The following PAPSS2 variants were observed in gnomAD, a reference collection of about 807,000 sequenced individuals.
PAPSS2 encodes the protein bifunctional 3'-phosphoadenosine 5'-phosphosulfate synthase 2.
A neutral mutation model predicts 66.5 loss-of-function variants in PAPSS2; 61 were observed. The ratio of observed to expected loss-of-function variants is 0.92; its 90% confidence interval spans 0.75 to 1.14. The LOEUF is 1.14. PAPSS2 is among the 50% of genes most tolerant of loss of function. The pLI is 0.00. For missense variants in PAPSS2, 708 were observed against 789.6 expected (o/e 0.90, Z 1.24); for synonymous variants, 289 against 287.5 (o/e 1.01, Z -0.05).
At chr10:87,700,928 A>G (rs1234036359) in intron 1 of PAPSS2, among the ~76,000 whole-genome samples, 2 of 151,886 alleles carry the variant, frequency 1.3e-5, no homozygotes, top group African/African-American at 2.4e-5. Context: ...TAATAATTTC[A>G]TATTTTAAAA....
chr10:87,741,225 T>C lies in PAPSS2; in HGVS notation c.1087-10T>C. The C allele has an allele frequency of 6.2e-7, 1 of 1,613,590 alleles. No homozygotes were observed. Among genetic ancestry groups the C allele is most frequent in the Non-Finnish European group, 8.5e-7 (1 of 1,179,484 alleles). On this transcript the variant is annotated splice_polypyrimidine_tract_variant and intron_variant, in intron 9 of 12. Coordinates refer to ENST00000456849, the MANE Select transcript of PAPSS2 (RefSeq NM_001015880.2). ...TTAATCATTAGCAATCATAACAATG[T>C]TCTTTCTAGATGGTGATGGAAAGTG...
At chr10:87,705,019 G>A (rs1164850222) in intron 1 of PAPSS2, among the ~76,000 whole-genome samples, 2 of 152,202 alleles carry the variant, frequency 1.3e-5, no homozygotes, top group Non-Finnish European at 2.9e-5. Flanking sequence ...TACACATTTA[G>A]AATACATTCA....
At chr10:87,705,945 G>T (rs1340954219) in intron 1 of PAPSS2, among the ~76,000 whole-genome samples, 1 of 150,736 alleles carries the variant, frequency 6.6e-6, no homozygotes, top group Non-Finnish European at 1.5e-5. Context: ...TATTGGCCAG[G>T]CTACTCTTGA....
At chr10:87,730,452 A>G (rs1023771153) in intron 9 of PAPSS2, among the ~76,000 whole-genome samples, 2 of 152,124 alleles carry the variant, frequency 1.3e-5, no homozygotes, top group Non-Finnish European at 2.9e-5. Flanking sequence ...GATGAAATGA[A>G]ATTTTAGAGG....
chr10:87,738,313 G>A (rs1038590336), intron 9 of PAPSS2, among the ~76,000 whole-genome samples: 5 of 152,134 alleles, frequency 3.3e-5, no homozygotes, highest in African/African-American at 4.8e-5. Context: ...CATAGTGGTT[G>A]CACCTTTTAC....
intron 11 of PAPSS2, among the ~76,000 whole-genome samples, chr10:87,744,347 C>T (rs1342756257): frequency 6.6e-6 from 1 of 152,130 alleles, no homozygotes; most frequent in Non-Finnish European, 1.5e-5. Context: ...GTGAGCTTAT[C>T]AAACAGAGAT....
intron 7 of PAPSS2, among the ~76,000 whole-genome samples, chr10:87,721,287 T>A (rs79979527): frequency 6.6e-6 from 1 of 152,236 alleles, no homozygotes; most frequent in African/African-American, 2.4e-5. Flanking sequence ...CATATTTTCA[T>A]GTCCTCTAAC....
At chr10:87,672,122 A>G (rs1852885979) in intron 1 of PAPSS2, among the ~76,000 whole-genome samples, 1 of 152,216 alleles carries the variant, frequency 6.6e-6, no homozygotes. Context: ...CCACTAACAT[A>G]AAGAAATGAG....
intron 1 of PAPSS2, among the ~76,000 whole-genome samples, chr10:87,662,235 C>G (rs114259324): frequency 1.6e-3 from 240 of 152,162 alleles, no homozygotes; most frequent in African/African-American, 5.7e-3. Context: ...CTACTGTATG[C>G]CAGGTGGTAT....
chr10:87,677,676 A>G (rs1169316243), intron 1 of PAPSS2, among the ~76,000 whole-genome samples: 2 of 152,226 alleles, frequency 1.3e-5, no homozygotes, highest in Admixed American at 6.5e-5. Context: ...TTTCATAGGC[A>G]GTATGATTTC....
intron 9 of PAPSS2, among the ~76,000 whole-genome samples, chr10:87,738,843 T>C (rs1388154445): frequency 6.6e-6 from 1 of 152,272 alleles, no homozygotes; most frequent in African/African-American, 2.4e-5. Context: ...AAGTTATGTC[T>C]ATTCAAGTCC....
chr10:87,688,963 T>TAA (rs199804008), intron 1 of PAPSS2, among the ~76,000 whole-genome samples: 2 of 135,960 alleles, frequency 1.5e-5, no homozygotes, highest in East Asian at 2.1e-4. Flanking sequence ...TTAACTACCT[T>TAA]AAAAAAAAAA....
chr10:87,699,336 C>T (rs780207039), intron 1 of PAPSS2, among the ~76,000 whole-genome samples: 7 of 152,156 alleles, frequency 4.6e-5, no homozygotes, highest in South Asian at 2.1e-4. Context: ...TTACCCAGGC[C>T]GGAGTGCAAT....
intron 7 of PAPSS2, among the ~76,000 whole-genome samples, chr10:87,719,756 A>T (rs116932677): frequency 6.6e-6 from 1 of 152,086 alleles, no homozygotes; most frequent in Non-Finnish European, 1.5e-5. Flanking sequence ...GCGTCTGGAG[A>T]TAGAATGGTA....
At chr10:87,701,372 CTT>C (rs1158227458) in intron 1 of PAPSS2, among the ~76,000 whole-genome samples, 84 of 94,506 alleles carry the variant, frequency 8.9e-4, no homozygotes, top group African/African-American at 2.8e-3. Context: ...TTCTTTCTTT[CTT>C]TCTTTCTTTC....
chr10:87,674,885 C>T (rs1050560549), intron 1 of PAPSS2, among the ~76,000 whole-genome samples: 19 of 152,192 alleles, frequency 1.2e-4, no homozygotes, highest in Middle Eastern at 6.3e-3. Flanking sequence ...GATCCATAGG[C>T]GACCATAGGG....
chr10:87,675,152 T>G (rs1474706530), intron 1 of PAPSS2, among the ~76,000 whole-genome samples: 2 of 152,242 alleles, frequency 1.3e-5, no homozygotes, highest in Non-Finnish European at 2.9e-5. Flanking sequence ...TTTCTAGTAA[T>G]GACTTACAAC....
At chr10:87,682,320 G>A (rs1462602888) in intron 1 of PAPSS2, among the ~76,000 whole-genome samples, 2 of 152,188 alleles carry the variant, frequency 1.3e-5, no homozygotes, top group East Asian at 1.9e-4. Context: ...AGGCACAAAC[G>A]CAGTTGGCAT....
chr10:87,662,261 C>T (rs753305143), intron 1 of PAPSS2, among the ~76,000 whole-genome samples: 29 of 151,956 alleles, frequency 1.9e-4, no homozygotes, highest in African/African-American at 2.7e-4. Context: ...GTGGGGGAGG[C>T]GGAAAAGGAG....
Sources: gnomAD v4.1 joint callset for allele counts (sites outside exome capture counted in the v4.1 genomes callset) on GRCh38, gnomAD v4.1.1 for gene constraint, MANE v1.5 for transcripts, NCBI Gene and HGNC (gene_info 2026-07-23, HGNC 2026-07-21) for gene names.